GALNT14: variants seen among roughly 807,000 people sequenced by gnomAD.
The protein encoded by GALNT14 is UDP-GalNAc:polypeptide N-acetylgalactosaminyltransferase 14.
Under a neutral mutation model 77.5 loss-of-function variants are expected in GALNT14, and 60 were observed. The observed-to-expected ratio is 0.77, with a 90% confidence interval of 0.63 to 0.96. The LOEUF (loss-of-function observed/expected upper bound fraction) is 0.96. Among genes scored for constraint, GALNT14 ranks in the 40% least tolerant of loss-of-function variants. The probability of loss-of-function intolerance (pLI) is 0.00; values close to 1 mark genes in which losing one functional copy is unlikely to be tolerated. For missense variants in GALNT14, 710 were observed against 731.0 expected, an observed-to-expected ratio of 0.97 and a Z score of 0.33; for synonymous variants, 280 against 281.7, an observed-to-expected ratio of 0.99 and a Z score of 0.06.
chr2:31,087,302 G>A (rs1260341610), intron 1 of GALNT14, among the ~76,000 whole-genome samples: 1 of 152,194 alleles, frequency 6.6e-6, no homozygotes, highest in Non-Finnish European at 1.5e-5. Flanking sequence ...AAGTTTAGGA[G>A]TATGCATGAC....
chr2:30,924,340 C>A, intron 12 of GALNT14, 77 bp from the exon 13 acceptor site: 1 of 1,504,052 alleles, frequency 6.6e-7, no homozygotes, highest in South Asian at 1.1e-5. Context: ...AGAGGGTGGG[C>A]AGTGTTCTGA....
At chr2:31,010,097 T>C (rs1670924046) in intron 1 of GALNT14, among the ~76,000 whole-genome samples, 1 of 152,358 alleles carries the variant, frequency 6.6e-6, no homozygotes, top group Non-Finnish European at 1.5e-5. Context: ...GCGGTTCTCA[T>C]GCCTCAGTCT....
intron 10 of GALNT14, 134 bp downstream of exon 10, chr2:30,931,934 G>A: frequency 1.2e-6 from 1 of 863,858 alleles, no homozygotes; most frequent in Non-Finnish European, 1.6e-6. Context: ...GTAGTACGAG[G>A]TGCAGCCCCG....
intron 1 of GALNT14, among the ~76,000 whole-genome samples, chr2:31,009,938 G>A (rs567020014): frequency 2.4e-4 from 36 of 152,188 alleles, no homozygotes; most frequent in South Asian, 8.3e-4. Context: ...ACTGCATTCT[G>A]GAATACTGCA....
At chr2:31,006,968 A>G (rs1198596798) in intron 1 of GALNT14, among the ~76,000 whole-genome samples, 1 of 152,216 alleles carries the variant, frequency 6.6e-6, no homozygotes, top group African/African-American at 2.4e-5. Context: ...TCTGTAAATA[A>G]GGTGACATCA....
intron 1 of GALNT14, among the ~76,000 whole-genome samples, chr2:31,110,308 A>G (rs1341844443): frequency 1.3e-5 from 2 of 152,168 alleles, no homozygotes; most frequent in Non-Finnish European, 2.9e-5. Flanking sequence ...AAGCACATCA[A>G]TGGTTGTCCC....
At chr2:31,029,953 A>G (rs1277493172) in intron 1 of GALNT14, among the ~76,000 whole-genome samples, 1 of 152,238 alleles carries the variant, frequency 6.6e-6, no homozygotes, top group Admixed American at 6.5e-5. Flanking sequence ...TAAGCTTTCC[A>G]TTGTCCTTGG....
At chr2:31,069,997 G>A (rs546738657) in intron 1 of GALNT14, among the ~76,000 whole-genome samples, 3 of 152,112 alleles carry the variant, frequency 2.0e-5, no homozygotes, top group African/African-American at 7.2e-5. Flanking sequence ...AATCAACCGG[G>A]GGCAAAGTCA....
intron 1 of GALNT14, among the ~76,000 whole-genome samples, chr2:31,011,234 C>G (rs191389890): frequency 1.3e-5 from 2 of 152,328 alleles, no homozygotes; most frequent in Non-Finnish European, 2.9e-5. Flanking sequence ...TTTTACGGAT[C>G]TAATGGACTA....
At chr2:31,064,632 G>A (rs981105782) in intron 1 of GALNT14, among the ~76,000 whole-genome samples, 2 of 152,024 alleles carry the variant, frequency 1.3e-5, no homozygotes, top group Admixed American at 6.5e-5. Context: ...CAAATATATC[G>A]CTGATTTCGG....
At chr2:30,907,288 A>G (rs189835562), downstream of GALNT14, among the ~76,000 whole-genome samples, 1 of 152,332 alleles carries the variant, frequency 6.6e-6, no homozygotes, top group Admixed American at 6.5e-5. Context: ...TTTTGAAAGG[A>G]TCAACAAAAT....
chr2:31,061,208 T>C (rs1421344316), intron 1 of GALNT14, among the ~76,000 whole-genome samples: 2 of 152,058 alleles, frequency 1.3e-5, no homozygotes, highest in East Asian at 1.9e-4. Flanking sequence ...CCACCTCCCA[T>C]AACCAAGGTG....
intron 6 of GALNT14, among the ~76,000 whole-genome samples, chr2:30,950,878 G>A (rs1479511463): frequency 6.6e-6 from 1 of 152,226 alleles, no homozygotes; most frequent in Non-Finnish European, 1.5e-5. Flanking sequence ...AGAAAGGAGA[G>A]CACTTTTCAG....
intron 1 of GALNT14, among the ~76,000 whole-genome samples, chr2:31,050,870 G>T (rs10205676): frequency 0.43 from 64,873 of 151,086 alleles, 14,242 homozygotes; most frequent in East Asian, 0.54. Context: ...ATACCCACAG[G>T]GGACTTCTCT....
chr2:31,116,993 C>T (rs888708294), intron 1 of GALNT14, among the ~76,000 whole-genome samples: 4 of 151,832 alleles, frequency 2.6e-5, no homozygotes, highest in African/African-American at 4.8e-5. Context: ...GCTGAGATCA[C>T]GCCATTGCAC....
intron 1 of GALNT14, among the ~76,000 whole-genome samples, chr2:30,995,643 C>T (rs1258637845): frequency 1.3e-5 from 2 of 152,122 alleles, no homozygotes; most frequent in African/African-American, 4.8e-5. Context: ...CAAGTGTGCA[C>T]CACCATGCCC....
At chr2:30,893,002 A>G in the GALNT14 span, among the ~76,000 whole-genome samples, 1 of 152,236 alleles carries the variant, frequency 6.6e-6, no homozygotes, top group Non-Finnish European at 1.5e-5. Flanking sequence ...TTATACCTTT[A>G]TAAAATCAAA....
chr2:31,086,167 T>C (rs1238827884), intron 1 of GALNT14, among the ~76,000 whole-genome samples: 2 of 152,200 alleles, frequency 1.3e-5, no homozygotes, highest in East Asian at 3.9e-4. Flanking sequence ...AGGCCTTCAC[T>C]ACATCCTAGG....
the GALNT14 span, among the ~76,000 whole-genome samples, chr2:30,899,037 C>A: frequency 6.6e-6 from 1 of 151,980 alleles, no homozygotes; most frequent in Non-Finnish European, 1.5e-5. Flanking sequence ...AAGGCCAAGC[C>A]GAGCTCTGTT....
Sources: gnomAD v4.1 joint callset for allele counts (sites outside exome capture counted in the v4.1 genomes callset) on GRCh38, gnomAD v4.1.1 for gene constraint, MANE v1.5 for transcripts, NCBI Gene and HGNC (gene_info 2026-07-23, HGNC 2026-07-21) for gene names.